The following CRAMP1 variants were observed in gnomAD, a reference collection of about 807,000 sequenced individuals.
CRAMP1 encodes protein cramped-like.
Under a neutral mutation model 115.4 loss-of-function variants are expected in CRAMP1, and 50 were observed. The ratio of observed to expected loss-of-function variants is 0.43; its 90% CI spans 0.35 to 0.55. The LOEUF (loss-of-function observed/expected upper bound fraction) is 0.55. Ranked by LOEUF, CRAMP1 falls within the 20% of genes least tolerant of loss-of-function variation. The pLI is 0.01. For synonymous variants in CRAMP1, 866 were observed against 745.4 expected (o/e 1.16, Z -2.64); for missense variants, 1,679 against 1,721.7 (o/e 0.98, Z 0.44).
rs533722080 is a variant in CRAMP1 at position 1,659,360 on chromosome 16, A to G, written c.2236-526A>G. On this transcript the variant is annotated intron_variant, in intron 10 of 20. Transcript: ENST00000397412. The stretch of plus-strand genomic sequence containing the variant: ...AGTGGTTTTCATTACTTACCTGACC[A>G]GTGACTTTTATTGATTGATTGATTG... Among the ~76,000 whole-genome samples the G allele has an allele frequency of 4.0e-5, 6 of 151,802 alleles. No individual in the cohort carries two copies. In the East Asian group the frequency reaches 7.7e-4, roughly 20 times the overall value.
rs539823822 is a variant in CRAMP1, at chr16:1,653,843, A to G, written c.1037+687A>G. Among the ~76,000 whole-genome samples the G allele has an allele frequency of 1.8e-3, 266 of 147,288 alleles. 2 individuals carry two copies. The highest frequency in any genetic ancestry group is 2.9e-3 in the Non-Finnish European group (192 of 66,858). ...CTCAAAAAAAAAAAAAAAAACAAAC[A>G]AAAAAGAAATTGAGGTGACTGGGTG... On this transcript the variant is annotated intron_variant, in intron 8 of 20. Coordinates refer to ENST00000397412, the MANE Select transcript of CRAMP1 (RefSeq NM_020825.4).
intron 4 of CRAMP1, among the ~76,000 whole-genome samples, chr16:1,633,756 A>G (rs2036564819): frequency 6.6e-6 from 1 of 152,110 alleles, no homozygotes; most frequent in South Asian, 2.1e-4. Flanking sequence ...TGTCCTTTGC[A>G]TCGTTCATTA....
At position 1,668,150 on chromosome 16, in the gene CRAMP1, T is replaced by G; in HGVS notation, c.3291T>G (p.Ile1097Met). The G allele has an allele frequency of 1.2e-6, 2 of 1,613,442 alleles. No individual in the cohort carries two copies. Among genetic ancestry groups the G allele is most frequent in the Non-Finnish European group, 8.5e-7 (1 of 1,179,730 alleles). The change falls in exon 18 of 21, where the codon ATT becomes ATG. Residue 1097 changes from isoleucine to methionine, a missense_variant. This residue lies in a region of CRAMP1 where 709 missense variants were observed against 741.9 expected (regional missense o/e 0.96). Transcript: ENST00000397412. ...ALSQGEPATH[I>M]SDSIIEIAIS... ...CACAGGGCGAGCCTGCCACACACAT[T>G]AGCGACTCCATCATTGAGATCGCCA...
At chr16:1,615,883 T>C (rs1353961174) in intron 2 of CRAMP1, among the ~76,000 whole-genome samples, 1 of 152,254 alleles carries the variant, frequency 6.6e-6, no homozygotes, top group African/African-American at 2.4e-5. Context: ...TTTCACTTCC[T>C]TCCTTGGGAA....
In CRAMP1 at chr16:1,623,515, T is replaced by C. The variant is rs145321764; in HGVS notation, c.347-2458T>C. 3.4e-3 allele frequency among the ~76,000 whole-genome samples: 515 copies of C among 152,382 alleles called. 2 individuals are homozygous for C. Among genetic ancestry groups the C allele is most frequent in the Non-Finnish European group, 4.8e-3 (327 of 68,034 alleles). Reference sequence around the variant, plus strand: ...AATTTATGTCTGTTACTTTTTCAAATATACCTAATGCCAACATGGGCTAGC... The same window carrying C: ...AATTTATGTCTGTTACTTTTTCAAACATACCTAATGCCAACATGGGCTAGC... On this transcript the variant is annotated intron_variant, in intron 2 of 20. Coordinates refer to ENST00000397412, the MANE Select transcript of CRAMP1 (RefSeq NM_020825.4).
chr16:1,622,740 G>A (rs924926363), intron 2 of CRAMP1, among the ~76,000 whole-genome samples: 1 of 150,338 alleles, frequency 6.7e-6, no homozygotes, highest in Non-Finnish European at 1.5e-5. Context: ...GTGCCACCAC[G>A]CCCGGCAGTC....
rs369018689 is a variant in CRAMP1 at position 1,665,068 on chromosome 16, C to T, written c.2682C>T (p.Leu894=). The change falls in exon 14 of 21, where the codon CTC becomes CTT. Residue 894 remains leucine (L), a synonymous_variant. Transcript: ENST00000397412. The part of the protein sequence containing the change: ...RKPLVVQRTL[L]PRPSENQSHN... ...CATTTTCCCCACAGAGAACACTGCTCCCTAGACCATCGGAAAACCAGTCCC... is the reference window on the plus strand; with the variant it reads ...CATTTTCCCCACAGAGAACACTGCTTCCTAGACCATCGGAAAACCAGTCCC... The T allele has an allele frequency of 1.6e-5, 26 of 1,610,950 alleles. No homozygotes were observed. The highest frequency in any genetic ancestry group is 8.3e-5 in the Admixed American group (5 of 59,990).
intron 3 of CRAMP1, among the ~76,000 whole-genome samples, chr16:1,629,520 C>T (rs200891847): frequency 4.6e-5 from 7 of 152,186 alleles, no homozygotes; most frequent in African/African-American, 1.7e-4. Context: ...TGGAGACACA[C>T]GGCAGGCGCG....
At chr16:1,631,497 C>G (rs2036548047) in intron 3 of CRAMP1, among the ~76,000 whole-genome samples, 1 of 152,192 alleles carries the variant, frequency 6.6e-6, no homozygotes. Flanking sequence ...ATTTAGAAAC[C>G]AAGACCTGGG....
intron 6 of CRAMP1, among the ~76,000 whole-genome samples, chr16:1,642,380 T>A (rs2036639756): frequency 6.6e-6 from 1 of 152,218 alleles, no homozygotes; most frequent in African/African-American, 2.4e-5. Flanking sequence ...AGGCTGTGTG[T>A]GAGCTGCCAC....
chr16:1,651,624 A>G (rs2036723871), intron 6 of CRAMP1, among the ~76,000 whole-genome samples: 1 of 150,440 alleles, frequency 6.6e-6, no homozygotes, highest in South Asian at 2.1e-4. Context: ...AGGTGGACTG[A>G]GAGGTCACCT....
intron 2 of CRAMP1, among the ~76,000 whole-genome samples, chr16:1,616,445 C>T (rs1375079085): frequency 1.3e-5 from 2 of 152,208 alleles, no homozygotes; most frequent in African/African-American, 4.8e-5. Context: ...CTACTTCACC[C>T]CGTTGAAGTG....
chr16:1,639,558 C>G (rs1008797509), intron 5 of CRAMP1, among the ~76,000 whole-genome samples: 1 of 152,102 alleles, frequency 6.6e-6, no homozygotes, highest in Non-Finnish European at 1.5e-5. Flanking sequence ...AAACTGGTTA[C>G]AAAGTTACAC....
chr16:1,649,785 ATTTTTTTT>A (rs35942594), intron 6 of CRAMP1, among the ~76,000 whole-genome samples: 52 of 65,764 alleles, frequency 7.9e-4, no homozygotes, highest in African/African-American at 1.3e-3. Context: ...ATGAGCCACT[ATTTTTTTT>A]TTTTTTTTTT....
Position 1,665,679 on chromosome 16 carries a change from A to G in CRAMP1, c.2753-394A>G, listed in dbSNP as rs530865826. The G allele has an allele frequency of 4.3e-5, 10 of 230,814 alleles. No individual in the cohort carries two copies. In the South Asian group the frequency reaches 8.3e-4, roughly 19 times the overall value. The allele number at this position is 230,814 out of a possible 1,614,324, so 14.3% of individuals were successfully genotyped here. ...TTGCTTTTTCTCTTGCCTACTTGTC[A>G]ATTTTCAACTGTGGGAAGCCTGGCA... On this transcript the variant is annotated intron_variant, in intron 14 of 20. Coordinates refer to ENST00000397412, the MANE Select transcript of CRAMP1 (RefSeq NM_020825.4).
At chr16:1,652,916 C>T (rs1322490022) in intron 7 of CRAMP1, 117 bp from the exon 8 acceptor site, 1 of 1,258,172 alleles carries the variant, frequency 7.9e-7, no homozygotes, top group African/African-American at 1.5e-5. Flanking sequence ...CTCTCCTTGC[C>T]TCTGTTTGCA....
rs1201902458 is a variant in CRAMP1 at position 1,615,771 on chromosome 16, G to A, written c.346+786G>A. On this transcript the variant is annotated intron_variant, in intron 2 of 20. Transcript: ENST00000397412. ...GTCTTGTGCTTTTCCTTACGCAGGT[G>A]AATGACTCTGATTCTTTTTGTTTCC... Among the ~76,000 whole-genome samples the A allele has an allele frequency of 2.0e-5, 3 of 152,168 alleles. No individual in the cohort carries two copies. The East Asian group carries it at 5.8e-4, about 29-fold the overall frequency.
chr16:1,625,722 G>A, intron 2 of CRAMP1: 2 of 422,936 alleles, frequency 4.7e-6, no homozygotes, highest in Non-Finnish European at 8.5e-6. Flanking sequence ...CTGTTACATG[G>A]TTCCACATAA....
At position 1,665,629 on chromosome 16, in the gene CRAMP1, T is replaced by C. The variant is rs541588607; in HGVS notation, c.2753-444T>C. On this transcript the variant is annotated intron_variant, in intron 14 of 20. Coordinates refer to ENST00000397412, the MANE Select transcript of CRAMP1 (RefSeq NM_020825.4). Reference sequence around the variant, plus strand: ...GACTTCCACGTCTCTCACTGACTTATTGCAAGACCCTTAACAGCTGTCAAT... The same window carrying C: ...GACTTCCACGTCTCTCACTGACTTACTGCAAGACCCTTAACAGCTGTCAAT... 6.9e-5 allele frequency: 15 copies of C among 216,470 alleles called. 1 individual carries two copies. Among genetic ancestry groups the C allele is most frequent in the East Asian group, 2.4e-4 (2 of 8,426 alleles). The allele number at this position is 216,470 out of a possible 1,614,324, so 13.4% of individuals were successfully genotyped here.
Sources: allele counts gnomAD v4.1 joint callset (sites outside exome capture counted in the v4.1 genomes callset), GRCh38; gene constraint gnomAD v4.1.1; regional missense constraint gnomAD v4.1.1; transcripts MANE v1.5; gene names NCBI Gene and HGNC (gene_info 2026-07-23, HGNC 2026-07-21).